CGNL1: variants seen among roughly 807,000 people sequenced by gnomAD.
The protein encoded by CGNL1 is cingulin-like protein 1.
In CGNL1, 132 loss-of-function variants were observed where a neutral mutation model predicts 141.2. The ratio of observed to expected loss-of-function variants is 0.93; its 90% CI spans 0.81 to 1.08. CGNL1 has a LOEUF of 1.08. Among genes scored for constraint, CGNL1 ranks in the 50% least tolerant of loss-of-function variants. The probability of loss-of-function intolerance (pLI) is 0.00; values close to 1 mark genes in which losing one functional copy is unlikely to be tolerated. For missense variants in CGNL1, 1,870 were observed against 1,588.6 expected, an observed-to-expected ratio of 1.18 and a Z score of -3.01; for synonymous variants, 690 against 622.1, an observed-to-expected ratio of 1.11 and a Z score of -1.63.
chr15:57,380,324 G>A (rs1342647440), intron 1 of CGNL1, among the ~76,000 whole-genome samples: 2 of 152,178 alleles, frequency 1.3e-5, no homozygotes, highest in Non-Finnish European at 2.9e-5. Context: ...ATGAGCCACT[G>A]TGCCCAGCTG....
At chr15:57,441,758 T>C (rs1446873136) in intron 3 of CGNL1, among the ~76,000 whole-genome samples, 2 of 152,208 alleles carry the variant, frequency 1.3e-5, no homozygotes, top group Non-Finnish European at 2.9e-5. Flanking sequence ...AGGTGCCTGT[T>C]GAAGGAAGTT....
rs777926702 is a variant in CGNL1, at chr15:57,452,254, AG to A, written c.2020del (p.Glu674LysfsTer16). On this transcript the variant is annotated frameshift_variant, in exon 6 of 19. Transcript: ENST00000281282. LOFTEE classifies it high-confidence loss of function. ...ACTCCACATTGCAGCAACGACTGGA[AG>A]AAAGTGAAGGGGAGCTCCGGAAGAA... ...ENSTLQQRLEESEGELRKNLE... is the reference protein window; with the variant it reads ...ENSTLQQRLEXSEGELRKNLE... 1.9e-6 allele frequency: 3 copies of A among 1,613,846 alleles called. No individual in the cohort carries two copies. The African/African-American group carries it at 4.0e-5, about 22-fold the overall frequency.
intron 4 of CGNL1, among the ~76,000 whole-genome samples, chr15:57,449,483 C>T (rs1045128924): frequency 2.0e-5 from 3 of 152,212 alleles, no homozygotes; most frequent in African/African-American, 7.2e-5. Context: ...CCTGTCCCCA[C>T]ATACGCCCTC....
At chr15:57,398,412 A>G (rs1306710772) in intron 1 of CGNL1, 1 of 152,162 alleles carries the variant, frequency 6.6e-6, no homozygotes, top group African/African-American at 2.4e-5. Flanking sequence ...CCAGGAGGAA[A>G]GACTTGGTGT....
At chr15:57,529,142 A>G (rs1381178842) in intron 13 of CGNL1, 3 of 191,866 alleles carry the variant, frequency 1.6e-5, no homozygotes, top group African/African-American at 7.1e-5. Context: ...TCTTTGGGGC[A>G]GTGCTTCCAG....
At chr15:57,445,222 G>C (rs2063236741) in intron 4 of CGNL1, among the ~76,000 whole-genome samples, 1 of 152,198 alleles carries the variant, frequency 6.6e-6, no homozygotes, top group Non-Finnish European at 1.5e-5. Flanking sequence ...TTGTGCCACT[G>C]TACTCCAGCC....
intron 1 of CGNL1, among the ~76,000 whole-genome samples, chr15:57,395,357 A>G (rs2062591151): frequency 6.6e-6 from 1 of 152,232 alleles, no homozygotes; most frequent in African/African-American, 2.4e-5. Flanking sequence ...AAAGCAGCTA[A>G]TGCTTTCGGA....
At chr15:57,456,970 T>C (rs1050161612) in intron 7 of CGNL1, among the ~76,000 whole-genome samples, 27 of 152,234 alleles carry the variant, frequency 1.8e-4, no homozygotes, top group African/African-American at 5.5e-4. Context: ...ACTTCTTTTG[T>C]AATGATATTA....
chr15:57,541,460 C>T (rs139468564), intron 14 of CGNL1, among the ~76,000 whole-genome samples: 1 of 152,336 alleles, frequency 6.6e-6, no homozygotes, highest in Non-Finnish European at 1.5e-5. Context: ...GCTGGGGTAA[C>T]AGTAACAGCA....
intron 8 of CGNL1, among the ~76,000 whole-genome samples, chr15:57,482,942 G>A (rs898818883): frequency 2.6e-5 from 4 of 151,936 alleles, no homozygotes; most frequent in East Asian, 1.9e-4. Context: ...CCGCCACCTC[G>A]CCTGGCTAAT....
intron 1 of CGNL1, among the ~76,000 whole-genome samples, chr15:57,378,308 T>TA (rs1284004828): frequency 4.6e-5 from 7 of 151,120 alleles, no homozygotes; most frequent in Non-Finnish European, 8.9e-5. Flanking sequence ...CTGATGTTGC[T>TA]ACCTGACCAC....
At chr15:57,495,285 G>A (rs759703708) in intron 8 of CGNL1, among the ~76,000 whole-genome samples, 8 of 152,052 alleles carry the variant, frequency 5.3e-5, no homozygotes, top group Non-Finnish European at 8.8e-5. Context: ...TTACCACCAT[G>A]CCTTCCAGTT....
At chr15:57,542,852 A>G (rs141665354) in intron 14 of CGNL1, among the ~76,000 whole-genome samples, 217 of 152,296 alleles carry the variant, frequency 1.4e-3, no homozygotes, top group African/African-American at 4.6e-3. Context: ...AGTCCAGGCA[A>G]ACTTAGACAG....
intron 1 of CGNL1, among the ~76,000 whole-genome samples, chr15:57,433,415 G>A (rs1290439246): frequency 6.6e-6 from 1 of 152,194 alleles, no homozygotes; most frequent in Non-Finnish European, 1.5e-5. Context: ...ACCTGCAAGA[G>A]GCAAAAAATG....
At chr15:57,508,852 G>C (rs956812302) in intron 8 of CGNL1, among the ~76,000 whole-genome samples, 1 of 152,244 alleles carries the variant, frequency 6.6e-6, no homozygotes, top group African/African-American at 2.4e-5. Context: ...TCCTGAGTCA[G>C]AATGAGCGTT....
chr15:57,486,550 C>G (rs983882165), intron 8 of CGNL1, among the ~76,000 whole-genome samples: 9 of 152,204 alleles, frequency 5.9e-5, no homozygotes, highest in African/African-American at 2.2e-4. Context: ...AGCCTTTTAA[C>G]TGAAGTCCCT....
rs747255109 is a variant in CGNL1 at position 57,546,133 on chromosome 15, G to A, written c.3667G>A (p.Asp1223Asn). The change falls in exon 18 of 19, where the codon GAC becomes AAC. Residue 1223 changes from aspartate to asparagine, a missense_variant. Transcript: ENST00000281282. ...GGTGGAGGAGGCTGAGGAGGAAATC[G>A]ACAGACTGGAAAGTTCTAAAAAGAA... ...RQVEEAEEEI[D>N]RLESSKKKLQ... The A allele has an allele frequency of 1.9e-6, 3 of 1,613,980 alleles. No homozygotes were observed. Among genetic ancestry groups the A allele is most frequent in the Admixed American group, 1.7e-5 (1 of 60,016 alleles).
intron 1 of CGNL1, among the ~76,000 whole-genome samples, chr15:57,397,457 C>T (rs192268194): frequency 5.7e-4 from 86 of 152,166 alleles, no homozygotes; most frequent in African/African-American, 1.9e-3. Flanking sequence ...TCTCATCTTG[C>T]GAATTACTAA....
chr15:57,379,538 ACT>A (rs1392944006), intron 1 of CGNL1, among the ~76,000 whole-genome samples: 1 of 152,024 alleles, frequency 6.6e-6, no homozygotes, highest in Non-Finnish European at 1.5e-5. Flanking sequence ...TGGCCTCCTA[ACT>A]CTCTTTCCCC....
Sources: gnomAD v4.1 joint callset for allele counts (sites outside exome capture counted in the v4.1 genomes callset) on GRCh38, gnomAD v4.1.1 for gene constraint, MANE v1.5 for transcripts, NCBI Gene and HGNC (gene_info 2026-07-23, HGNC 2026-07-21) for gene names.